Variants in RYR2 observed in about 807,000 individuals in gnomAD.
The protein encoded by RYR2 is ryanodine receptor 2, also known as cardiac muscle ryanodine receptor-calcium release channel.
In RYR2, 227 loss-of-function variants were observed where a neutral mutation model predicts 601.1. That is an observed-to-expected ratio of 0.38 (90% CI 0.34 to 0.42). The LOEUF (loss-of-function observed/expected upper bound fraction) is 0.42, where lower values mean the gene tolerates loss of function less well. Among genes scored for constraint, RYR2 ranks in the 10% least tolerant of loss-of-function variants. The pLI is 1.00. For missense variants in RYR2, 4,646 were observed against 6,156.5 expected, an observed-to-expected ratio of 0.75 and a Z score of 8.21; for synonymous variants, 2,223 against 2,175.1, an observed-to-expected ratio of 1.02 and a Z score of -0.61.
intron 8 of RYR2, among the ~76,000 whole-genome samples, chr1:237,379,360 AC>A (rs1477524932): frequency 6.6e-6 from 1 of 152,196 alleles, no homozygotes; most frequent in East Asian, 1.9e-4. Flanking sequence ...ACAACTAACT[AC>A]CTGAGAAAGT....
rs192512220 is a variant in RYR2 at position 237,457,943 on chromosome 1, G to A, written c.1612+1208G>A. Among the ~76,000 whole-genome samples, 26 of 152,078 alleles carry A rather than the reference G, an allele frequency of 1.7e-4. No homozygotes were observed. In the South Asian group the frequency reaches 3.9e-3, roughly 23 times the overall value. ...AAGATAAAGTTCACCTTGTTGTCCC[G>A]GTATATGAGGCCCCAGTTAACCCTT... On this transcript the variant is annotated intron_variant, in intron 16 of 104. Coordinates refer to ENST00000366574, the MANE Select transcript of RYR2 (RefSeq NM_001035.3).
At chr1:237,309,722 G>C (rs1694322143) in intron 2 of RYR2, among the ~76,000 whole-genome samples, 2 of 152,146 alleles carry the variant, frequency 1.3e-5, no homozygotes, top group African/African-American at 4.8e-5. Flanking sequence ...GGAGCCCATG[G>C]CCGGGGGGAG....
chr1:237,235,211 G>A (rs1468354177), intron 1 of RYR2, among the ~76,000 whole-genome samples: 1 of 152,172 alleles, frequency 6.6e-6, no homozygotes, highest in East Asian at 1.9e-4. Flanking sequence ...TTAACAAGAG[G>A]TACTTGGCTG....
intron 4 of RYR2, among the ~76,000 whole-genome samples, chr1:237,357,657 G>A (rs1469011487): frequency 6.6e-6 from 1 of 151,976 alleles, no homozygotes; most frequent in Non-Finnish European, 1.5e-5. Flanking sequence ...AATCATTGCA[G>A]TAGAGATTGC....
At chr1:237,073,311 A>G (rs1356446464) in intron 1 of RYR2, among the ~76,000 whole-genome samples, 2 of 152,242 alleles carry the variant, frequency 1.3e-5, no homozygotes, top group African/African-American at 4.8e-5. Context: ...ATCCATATAC[A>G]ACGTGGACCA....
intron 1 of RYR2, among the ~76,000 whole-genome samples, chr1:237,234,787 A>G (rs574775691): frequency 3.7e-4 from 57 of 152,280 alleles, no homozygotes; most frequent in African/African-American, 1.3e-3. Flanking sequence ...ATTTAGCAAC[A>G]TTTTGGGGTT....
At chr1:237,630,301 A>T (rs1680112475) in intron 41 of RYR2, among the ~76,000 whole-genome samples, 1 of 152,202 alleles carries the variant, frequency 6.6e-6, no homozygotes, top group South Asian at 2.1e-4. Flanking sequence ...AAGTTACTTC[A>T]TTCAAAGATT....
intron 16 of RYR2, among the ~76,000 whole-genome samples, chr1:237,464,672 A>T (rs1659867541): frequency 6.6e-6 from 1 of 152,206 alleles, no homozygotes; most frequent in Admixed American, 6.5e-5. Context: ...TCTAAAAAAC[A>T]CAGTTTTCTC....
At chr1:237,793,611 A>C (rs1204714017) in intron 94 of RYR2, among the ~76,000 whole-genome samples, 1 of 152,204 alleles carries the variant, frequency 6.6e-6, no homozygotes, top group Non-Finnish European at 1.5e-5. Flanking sequence ...TGATTTCACT[A>C]GTGTAATTAT....
At chr1:237,390,200 G>A (rs1702263764) in intron 10 of RYR2, among the ~76,000 whole-genome samples, 1 of 145,728 alleles carries the variant, frequency 6.9e-6, no homozygotes, top group Admixed American at 6.6e-5. Flanking sequence ...TGGATCCTCA[G>A]TCCCTGATTT....
At chr1:237,109,837 T>C (rs558180175) in intron 1 of RYR2, among the ~76,000 whole-genome samples, 1 of 152,250 alleles carries the variant, frequency 6.6e-6, no homozygotes, top group African/African-American at 2.4e-5. Flanking sequence ...TGAGGGCCTT[T>C]TTGCTTTAAA....
At chr1:237,550,777 A>G (rs756237963) in intron 27 of RYR2, 86 bp downstream of exon 27, 55 of 1,384,554 alleles carry the variant, frequency 4.0e-5, no homozygotes, top group Non-Finnish European at 4.9e-5. Flanking sequence ...AAGGGGGAGT[A>G]CTGGATAGAG....
At chr1:237,412,753 A>G (rs1214488349) in intron 10 of RYR2, among the ~76,000 whole-genome samples, 1 of 152,098 alleles carries the variant, frequency 6.6e-6, no homozygotes, top group African/African-American at 2.4e-5. Context: ...TGATTACCTC[A>G]AAAGGTGCTG....
At chr1:237,782,831 TAAG>T (rs1287597769) in intron 89 of RYR2, among the ~76,000 whole-genome samples, 1 of 152,170 alleles carries the variant, frequency 6.6e-6, no homozygotes, top group Non-Finnish European at 1.5e-5. Context: ...ACAGAGAGGC[TAAG>T]AAATCTGCCC....
At chr1:237,208,961 TA>T (rs1682170853) in intron 1 of RYR2, among the ~76,000 whole-genome samples, 3 of 104,348 alleles carry the variant, frequency 2.9e-5, no homozygotes, top group South Asian at 4.1e-4. Flanking sequence ...TATATATATA[TA>T]TATATATATA....
intron 53 of RYR2, among the ~76,000 whole-genome samples, chr1:237,657,373 A>G (rs957329079): frequency 3.3e-5 from 5 of 151,998 alleles, no homozygotes; most frequent in African/African-American, 1.2e-4. Flanking sequence ...CCATTCATAG[A>G]TACGTTTTAA....
chr1:237,561,161 T>C (rs749691046), intron 27 of RYR2, among the ~76,000 whole-genome samples: 2 of 152,162 alleles, frequency 1.3e-5, no homozygotes, highest in East Asian at 3.8e-4. Context: ...ATCTCTGTAT[T>C]TTAAGAATTT....
intron 1 of RYR2, among the ~76,000 whole-genome samples, chr1:237,128,328 A>G (rs890313140): frequency 3.3e-5 from 5 of 152,234 alleles, no homozygotes; most frequent in Admixed American, 1.3e-4. Context: ...GCAGCAGTAC[A>G]GTCCAGCTTC....
chr1:237,759,739 T>C (rs1298077499), intron 82 of RYR2, 37 bp from the exon 83 acceptor site: 2 of 1,222,032 alleles, frequency 1.6e-6, no homozygotes, highest in Admixed American at 3.4e-5. Flanking sequence ...AATAAGATTT[T>C]TGTTCAGTGG....
Sources: gnomAD v4.1 joint callset for allele counts (sites outside exome capture counted in the v4.1 genomes callset) on GRCh38, gnomAD v4.1.1 for gene constraint, MANE v1.5 for transcripts, NCBI Gene and HGNC (gene_info 2026-07-23, HGNC 2026-07-21) for gene names.